The following LIPC variants were observed in gnomAD, a reference collection of about 807,000 sequenced individuals.
LIPC encodes hepatic triacylglycerol lipase.
Under a neutral mutation model 50.7 loss-of-function variants are expected in LIPC, and 44 were observed. The ratio of observed to expected loss-of-function variants is 0.87; its 90% CI spans 0.68 to 1.11. The LOEUF is 1.11. Among genes scored for constraint, LIPC ranks in the 50% most tolerant of loss-of-function variants. LIPC has a pLI of 0.00. For synonymous variants in LIPC, 271 were observed against 256.4 expected (o/e 1.06, Z -0.54); for missense variants, 697 against 648.2 (o/e 1.08, Z -0.82).
intron 1 of LIPC, among the ~76,000 whole-genome samples, chr15:58,452,668 G>C (rs1484800180): frequency 2.7e-5 from 4 of 149,488 alleles, no homozygotes; most frequent in Admixed American, 6.6e-5. Context: ...AGTGGGGAGG[G>C]GATAGGATAG....
In LIPC at chr15:58,469,067, T is replaced by C. The variant is rs530470245; in HGVS notation, c.88+36947T>C. Among the ~76,000 whole-genome samples, 121 of 152,234 alleles carry C rather than the reference T, an allele frequency of 7.9e-4. 1 individual carries two copies. Among genetic ancestry groups the C allele is most frequent in the African/African-American group, 2.8e-3 (116 of 41,520 alleles). On this transcript the variant is annotated intron_variant, in intron 1 of 8. Coordinates refer to ENST00000299022, the MANE Select transcript of LIPC (RefSeq NM_000236.3). ...AACATTAGTTCACCATAGTTCTATT[T>C]TTTTCTAATAACTTAAACGGCTTCA... is the stretch of plus-strand genomic sequence containing the variant.
chr15:58,524,025 G>A (rs1382138916), intron 1 of LIPC, among the ~76,000 whole-genome samples: 1 of 152,164 alleles, frequency 6.6e-6, no homozygotes, highest in Non-Finnish European at 1.5e-5. Context: ...GAATAGATTT[G>A]CAAAATCTCA....
intron 6 of LIPC, among the ~76,000 whole-genome samples, chr15:58,555,826 GGGCAGTGGCT>G (rs1420527052): frequency 1.3e-5 from 2 of 152,196 alleles, no homozygotes; most frequent in African/African-American, 4.8e-5. Context: ...AATCGTGGGA[GGGCAGTGGCT>G]GCACAGTCAG....
At chr15:58,439,437 C>T (rs1371650026) in intron 1 of LIPC, among the ~76,000 whole-genome samples, 2 of 152,070 alleles carry the variant, frequency 1.3e-5, no homozygotes, top group Non-Finnish European at 2.9e-5. Context: ...TAAAAGGCTG[C>T]TTTTTTTGTT....
chr15:58,494,522 T>C (rs552585100), intron 1 of LIPC, among the ~76,000 whole-genome samples: 3 of 152,322 alleles, frequency 2.0e-5, no homozygotes, highest in Admixed American at 6.5e-5. Flanking sequence ...TGAAAGTGCA[T>C]TGAACAAAGG....
intron 1 of LIPC, chr15:58,533,043 A>C (rs770571665): frequency 1.9e-5 from 9 of 462,616 alleles, no homozygotes; most frequent in Non-Finnish European, 2.6e-5. Context: ...CTTTTCCTGG[A>C]TACAGGGGCT....
chr15:58,551,795 T>G lies in LIPC; in HGVS notation c.1051+3223T>G, dbSNP rs558515401. Among the ~76,000 whole-genome samples, 9 of 152,338 alleles carry G rather than the reference T, an allele frequency of 5.9e-5. No individual in the cohort carries two copies. The South Asian group carries it at 1.7e-3, about 28-fold the overall frequency. On this transcript the variant is annotated intron_variant, in intron 6 of 8. Coordinates refer to ENST00000299022, the MANE Select transcript of LIPC (RefSeq NM_000236.3). ...CAATGTATTTTAGTGCAGGGTCTGGTTGGGCAAGATAAACATCGCCTCCTG... is the reference window on the plus strand; with the variant it reads ...CAATGTATTTTAGTGCAGGGTCTGGGTGGGCAAGATAAACATCGCCTCCTG...
At chr15:58,451,771 G>A (rs1265804903) in intron 1 of LIPC, among the ~76,000 whole-genome samples, 2 of 152,180 alleles carry the variant, frequency 1.3e-5, no homozygotes, top group Admixed American at 6.5e-5. Context: ...GGGAGGCAAG[G>A]GCGGCTCCTG....
At chr15:58,563,764 C>A (rs765754625) in intron 8 of LIPC, 41 bp downstream of exon 8, 3 of 1,508,374 alleles carry the variant, frequency 2.0e-6, no homozygotes, top group Non-Finnish European at 2.7e-6. Context: ...CCATTAAGCA[C>A]CCACTTGTGC....
At chr15:58,518,917 C>T (rs1258589120) in intron 1 of LIPC, among the ~76,000 whole-genome samples, 1 of 150,562 alleles carries the variant, frequency 6.6e-6, no homozygotes, top group African/African-American at 2.4e-5. Flanking sequence ...ACTCACAGAG[C>T]TATACACTTA....
intron 1 of LIPC, among the ~76,000 whole-genome samples, chr15:58,438,353 A>G (rs1893381186): frequency 6.6e-6 from 1 of 152,146 alleles, no homozygotes; most frequent in South Asian, 2.1e-4. Context: ...TCCACGTAGA[A>G]CAGAGGTCAC....
At chr15:58,546,599 A>T (rs1893538245) in intron 5 of LIPC, among the ~76,000 whole-genome samples, 1 of 152,216 alleles carries the variant, frequency 6.6e-6, no homozygotes, top group Admixed American at 6.5e-5. Context: ...TAACATGCAC[A>T]TTGATAATAT....
At chr15:58,548,212 C>T (rs1169268598) in intron 5 of LIPC, 118 bp from the exon 6 acceptor site, 4 of 1,358,638 alleles carry the variant, frequency 2.9e-6, no homozygotes, top group Non-Finnish European at 4.2e-6. Context: ...ACAAGCCCAC[C>T]CTTGCCTGTT....
chr15:58,434,449 C>T (rs1367273994), intron 1 of LIPC, among the ~76,000 whole-genome samples: 1 of 152,174 alleles, frequency 6.6e-6, no homozygotes, highest in Non-Finnish European at 1.5e-5. Context: ...AGTAAGCTGG[C>T]AGTTAAGTGC....
At position 58,547,219 on chromosome 15, in the gene LIPC, C is replaced by T. The variant is rs34519838; in HGVS notation, c.809-1111C>T. Among the ~76,000 whole-genome samples, 1,353 of 152,268 alleles carry T rather than the reference C, an allele frequency of 8.9e-3. 18 individuals are homozygous for T. The highest frequency in any genetic ancestry group is 0.029 in the African/African-American group (1,225 of 41,536). ...CTTCACCCCTGTGTTTGAAAGGGTT[C>T]CTGGGGTAGTTCTCCCAGCCACAGC... On this transcript the variant is annotated intron_variant, in intron 5 of 8. Transcript: ENST00000299022.
intron 1 of LIPC, among the ~76,000 whole-genome samples, chr15:58,526,580 C>T (rs1892805113): frequency 6.6e-6 from 1 of 152,214 alleles, no homozygotes; most frequent in Non-Finnish European, 1.5e-5. Flanking sequence ...CACAAAGGCA[C>T]CGCGCCAAGC....
At chr15:58,536,392 T>C (rs1893123283) in intron 1 of LIPC, among the ~76,000 whole-genome samples, 2 of 152,146 alleles carry the variant, frequency 1.3e-5, no homozygotes, top group South Asian at 4.1e-4. Flanking sequence ...TATAGTCATT[T>C]CTGTTTTAGA....
chr15:58,448,154 A>G (rs1893768172), intron 1 of LIPC, among the ~76,000 whole-genome samples: 1 of 152,206 alleles, frequency 6.6e-6, no homozygotes, highest in African/African-American at 2.4e-5. Flanking sequence ...GCCATAAATT[A>G]GGGCCCAAAT....
At chr15:58,440,540 A>T (rs1445391880) in intron 1 of LIPC, among the ~76,000 whole-genome samples, 1 of 152,252 alleles carries the variant, frequency 6.6e-6, no homozygotes, top group Non-Finnish European at 1.5e-5. Flanking sequence ...CCCTGAGGGT[A>T]CAAAAATGAA....
Sources: gnomAD v4.1 joint callset for allele counts (sites outside exome capture counted in the v4.1 genomes callset) on GRCh38, gnomAD v4.1.1 for gene constraint, MANE v1.5 for transcripts, NCBI Gene and HGNC (gene_info 2026-07-23, HGNC 2026-07-21) for gene names.